CUX1: variants seen among roughly 807,000 people sequenced by gnomAD.
The protein encoded by CUX1 is cut like homeobox 1, also known as protein CASP.
Under a neutral mutation model 158.8 loss-of-function variants are expected in CUX1, and 31 were observed. The observed-to-expected ratio is 0.20, with a 90% confidence interval of 0.15 to 0.26. The LOEUF is 0.26. Ranked by LOEUF, CUX1 falls within the 10% of genes least tolerant of loss-of-function variation. The pLI is 1.00. For missense variants in CUX1, 1,589 were observed against 2,014.6 expected (o/e 0.79, Z 4.04); for synonymous variants, 879 against 862.1 (o/e 1.02, Z -0.34).
At chr7:101,829,345 T>C (rs941121522) in intron 1 of CUX1, among the ~76,000 whole-genome samples, 6 of 152,164 alleles carry the variant, frequency 3.9e-5, no homozygotes, top group African/African-American at 1.4e-4. Flanking sequence ...TGTTTTGTAT[T>C]TTTATGTTTT....
intron 20 of CUX1, chr7:102,280,897 G>A (rs782639790): frequency 1.9e-6 from 3 of 1,589,546 alleles, no homozygotes; most frequent in South Asian, 1.1e-5. Flanking sequence ...TCCCTGGACA[G>A]GCCTGAGCCT....
At chr7:102,066,889 C>T (rs569653084) in intron 3 of CUX1, among the ~76,000 whole-genome samples, 10 of 152,268 alleles carry the variant, frequency 6.6e-5, no homozygotes, top group African/African-American at 1.4e-4. Flanking sequence ...ATACATGATA[C>T]GACAGGGAAA....
intron 7 of CUX1, among the ~76,000 whole-genome samples, chr7:102,113,124 T>A (rs1376535365): frequency 2.0e-5 from 3 of 152,076 alleles, no homozygotes; most frequent in African/African-American, 7.2e-5. Flanking sequence ...ACAGAAGAAA[T>A]GCAAATGGAA....
chr7:101,981,976 A>G (rs2129217464), intron 2 of CUX1, among the ~76,000 whole-genome samples: 1 of 152,326 alleles, frequency 6.6e-6, no homozygotes, highest in Non-Finnish European at 1.5e-5. Context: ...GGGAGGGAAA[A>G]TTAACTGTTG....
intron 8 of CUX1, among the ~76,000 whole-genome samples, chr7:102,131,782 C>T (rs1225853509): frequency 6.6e-6 from 1 of 151,498 alleles, no homozygotes; most frequent in East Asian, 1.9e-4. Flanking sequence ...AAGCAGTTCT[C>T]CTGCCTCAGC....
chr7:102,101,861 G>A (rs111744679), intron 5 of CUX1, among the ~76,000 whole-genome samples: 690 of 151,656 alleles, frequency 4.5e-3, no homozygotes, highest in Non-Finnish European at 8.0e-3. Context: ...GCAGTGGGCC[G>A]AGATTGCGCC....
chr7:102,011,276 G>T (rs535551993), intron 2 of CUX1, among the ~76,000 whole-genome samples: 3 of 151,936 alleles, frequency 2.0e-5, no homozygotes, highest in African/African-American at 4.8e-5. Context: ...CACTGAGAGC[G>T]CAGTGGGCGT....
intron 14 of CUX1, among the ~76,000 whole-genome samples, chr7:102,263,373 A>G (rs188300808): frequency 2.3e-3 from 266 of 117,386 alleles, no homozygotes; most frequent in African/African-American, 8.3e-3. Context: ...GAGTGCAGTG[A>G]CACAATTTCA....
intron 2 of CUX1, among the ~76,000 whole-genome samples, chr7:101,951,308 G>A (rs978668931): frequency 5.9e-5 from 9 of 151,592 alleles, no homozygotes; most frequent in Non-Finnish European, 1.2e-4. Context: ...TCCAGCCTGG[G>A]TGATAGGGTG....
intron 2 of CUX1, among the ~76,000 whole-genome samples, chr7:101,943,999 A>C (rs545356023): frequency 9.9e-5 from 15 of 150,830 alleles, no homozygotes; most frequent in Middle Eastern, 3.4e-3. Context: ...CTTGAGCCGC[A>C]CACAGGTTCT....
At chr7:101,816,939 TCCCGGGGAGCGC>T (rs1277160589), upstream of CUX1, 2 of 981,852 alleles carry the variant, frequency 2.0e-6, no homozygotes, top group Non-Finnish European at 2.4e-6. Flanking sequence ...TTTGTTTACG[TCCCGGGGAGCGC>T]CCCGGGGCCA....
At chr7:102,212,968 C>A (rs1796703613) in intron 20 of CUX1, among the ~76,000 whole-genome samples, 1 of 152,198 alleles carries the variant, frequency 6.6e-6, no homozygotes, top group African/African-American at 2.4e-5. Flanking sequence ...GCCTCAGCCT[C>A]CAAGTAGCTG....
chr7:102,021,355 C>A (rs1819316536), intron 2 of CUX1, among the ~76,000 whole-genome samples: 1 of 152,156 alleles, frequency 6.6e-6, no homozygotes, highest in South Asian at 2.1e-4. Flanking sequence ...GTCACCCAGG[C>A]TGGATTACAG....
At chr7:102,020,190 C>A (rs992683157) in intron 2 of CUX1, among the ~76,000 whole-genome samples, 1 of 152,176 alleles carries the variant, frequency 6.6e-6, no homozygotes, top group Non-Finnish European at 1.5e-5. Flanking sequence ...TTATTTAATA[C>A]TTGAGTTTCA....
At chr7:102,229,837 C>T (rs1433666955) in intron 21 of CUX1, among the ~76,000 whole-genome samples, 1 of 151,494 alleles carries the variant, frequency 6.6e-6, no homozygotes, top group Non-Finnish European at 1.5e-5. Context: ...AGGCTGGTCT[C>T]GAATTGGCCT....
intron 2 of CUX1, among the ~76,000 whole-genome samples, chr7:101,936,340 T>G (rs892864971): frequency 6.6e-6 from 1 of 151,830 alleles, no homozygotes; most frequent in Non-Finnish European, 1.5e-5. Context: ...TGTTTTCAGG[T>G]GTGACGGGGG....
intron 8 of CUX1, among the ~76,000 whole-genome samples, chr7:102,140,327 A>G (rs1463344342): frequency 1.3e-5 from 2 of 151,794 alleles, no homozygotes; most frequent in Admixed American, 6.6e-5. Context: ...GCTCACTGCA[A>G]CCTCCACCTC....
At chr7:102,224,229 C>CA (rs1301314561) in intron 20 of CUX1, among the ~76,000 whole-genome samples, 2 of 149,930 alleles carry the variant, frequency 1.3e-5, no homozygotes, top group African/African-American at 2.5e-5. Context: ...TATTTAGAGA[C>CA]AGAGTCTCAC....
chr7:102,075,982 C>T (rs1466106692), intron 4 of CUX1, among the ~76,000 whole-genome samples: 1 of 152,104 alleles, frequency 6.6e-6, no homozygotes, highest in African/African-American at 2.4e-5. Flanking sequence ...GTAGGATCTC[C>T]CTCCACCCCA....
Sources: gnomAD v4.1 joint callset for allele counts (sites outside exome capture counted in the v4.1 genomes callset) on GRCh38, gnomAD v4.1.1 for gene constraint, MANE v1.5 for transcripts, NCBI Gene and HGNC (gene_info 2026-07-23, HGNC 2026-07-21) for gene names.